RALGAPA1: variants seen among roughly 807,000 people sequenced by gnomAD.
The protein encoded by RALGAPA1 is ral GTPase-activating protein subunit alpha-1.
RALGAPA1 carries 52 observed loss-of-function variants against 269.6 expected under a neutral mutation model. The ratio of observed to expected loss-of-function variants is 0.19; its 90% CI spans 0.15 to 0.24. RALGAPA1 has a LOEUF of 0.24. Ranked by LOEUF, RALGAPA1 falls within the 10% of genes least tolerant of loss-of-function variation. The probability of loss-of-function intolerance (pLI) is 1.00; values close to 1 mark genes in which losing one functional copy is unlikely to be tolerated. For synonymous variants in RALGAPA1, 817 were observed against 1,008.3 expected, an observed-to-expected ratio of 0.81 and a Z score of 3.60; for missense variants, 1,917 against 3,013.9, an observed-to-expected ratio of 0.64 and a Z score of 8.52.
chr14:35,782,351 T>A (rs1028008481), intron 1 of RALGAPA1, among the ~76,000 whole-genome samples: 1 of 151,540 alleles, frequency 6.6e-6, no homozygotes, highest in South Asian at 2.1e-4. Flanking sequence ...TCTGTGTTCA[T>A]GAGTAAGACT....
intron 35 of RALGAPA1, among the ~76,000 whole-genome samples, chr14:35,609,541 T>C (rs984491028): frequency 6.6e-6 from 1 of 152,164 alleles, no homozygotes; most frequent in Admixed American, 6.5e-5. Context: ...CAGATCTAAA[T>C]GCCTCTATTA....
At chr14:35,665,860 T>C (rs1313041248) in intron 26 of RALGAPA1, among the ~76,000 whole-genome samples, 1 of 152,170 alleles carries the variant, frequency 6.6e-6, no homozygotes, top group Non-Finnish European at 1.5e-5. Context: ...GGAGCAGACC[T>C]GGAATGTGAT....
chr14:35,765,152 C>A (rs1163355331), intron 4 of RALGAPA1, among the ~76,000 whole-genome samples: 1 of 152,172 alleles, frequency 6.6e-6, no homozygotes, highest in Non-Finnish European at 1.5e-5. Context: ...AAGCTTAGGT[C>A]TTTGGCTGAT....
At chr14:35,640,318 T>G (rs904484025) in intron 31 of RALGAPA1, among the ~76,000 whole-genome samples, 1 of 151,954 alleles carries the variant, frequency 6.6e-6, no homozygotes, top group African/African-American at 2.4e-5. Context: ...AAAAATTGAT[T>G]TTTTAAAAAA....
At chr14:35,770,134 A>G (rs1029508140) in intron 4 of RALGAPA1, among the ~76,000 whole-genome samples, 2 of 152,218 alleles carry the variant, frequency 1.3e-5, no homozygotes, top group Non-Finnish European at 2.9e-5. Flanking sequence ...AAAATACATA[A>G]TATTAATAGA....
intron 17 of RALGAPA1, among the ~76,000 whole-genome samples, chr14:35,697,845 T>A (rs1193425674): frequency 6.6e-6 from 1 of 152,136 alleles, no homozygotes; most frequent in East Asian, 1.9e-4. Context: ...AGTGACAGGT[T>A]CCTTGCCTCT....
chr14:35,769,029 AAAAAAAATAT>A (rs2074387830), intron 4 of RALGAPA1, among the ~76,000 whole-genome samples: 1 of 95,504 alleles, frequency 1.0e-5, no homozygotes, highest in African/African-American at 5.1e-5. Context: ...AAAAAAAAAA[AAAAAAAATAT>A]ATATATATAT....
In RALGAPA1 at chr14:35,687,119, G is replaced by A. The variant is rs566607459; in HGVS notation, c.3953-453C>T. 2.1e-3 allele frequency among the ~76,000 whole-genome samples: 326 copies of A among 152,138 alleles called. 4 individuals are homozygous for A. The highest frequency in any genetic ancestry group is 7.5e-3 in the African/African-American group (310 of 41,524). ...AGTATTTATAAATACAAATTCTATG[G>A]TTTTGATATACTGCTGTTTCTATCC... On this transcript the variant is annotated intron_variant, in intron 18 of 41. Coordinates refer to ENST00000680220, the MANE Select transcript of RALGAPA1 (RefSeq NM_001346249.2).
chr14:35,802,239 C>T (rs754362092), intron 1 of RALGAPA1, among the ~76,000 whole-genome samples: 1 of 152,094 alleles, frequency 6.6e-6, no homozygotes, highest in African/African-American at 2.4e-5. Context: ...ACCTGGGAGG[C>T]GGAGGTTGCA....
intron 37 of RALGAPA1, among the ~76,000 whole-genome samples, chr14:35,579,695 T>C (rs1359183199): frequency 6.6e-6 from 1 of 152,062 alleles, no homozygotes; most frequent in Non-Finnish European, 1.5e-5. Context: ...TAAGATAAAC[T>C]TGCATTGAAC....
chr14:35,713,937 A>G (rs1595274475), intron 16 of RALGAPA1, among the ~76,000 whole-genome samples: 2 of 152,130 alleles, frequency 1.3e-5, no homozygotes, highest in Admixed American at 6.5e-5. Flanking sequence ...CTCTACTAAA[A>G]AACAAAAATT....
At chr14:35,782,576 T>C (rs926234754) in intron 1 of RALGAPA1, among the ~76,000 whole-genome samples, 1 of 151,960 alleles carries the variant, frequency 6.6e-6, no homozygotes, top group Non-Finnish European at 1.5e-5. Flanking sequence ...TGTGATTACA[T>C]GCATGTGCCA....
chr14:35,551,803 C>A (rs1218647517), intron 39 of RALGAPA1, among the ~76,000 whole-genome samples: 1 of 151,844 alleles, frequency 6.6e-6, no homozygotes, highest in East Asian at 1.9e-4. Context: ...CTAAAATTAT[C>A]CAGATATAAC....
chr14:35,765,712 T>C (rs867492782), intron 4 of RALGAPA1: 13 of 313,764 alleles, frequency 4.1e-5, no homozygotes, highest in Middle Eastern at 9.9e-4. Context: ...CCCAGGCTGG[T>C]CTCAAACTCC....
intron 37 of RALGAPA1, among the ~76,000 whole-genome samples, chr14:35,584,411 T>C (rs992367103): frequency 1.2e-4 from 19 of 152,056 alleles, no homozygotes; most frequent in Non-Finnish European, 1.0e-4. Flanking sequence ...ACCATGGGGA[T>C]ACACCATCAT....
intron 26 of RALGAPA1, among the ~76,000 whole-genome samples, chr14:35,665,846 A>G (rs983716819): frequency 1.3e-5 from 2 of 152,158 alleles, no homozygotes; most frequent in Admixed American, 1.3e-4. Context: ...ATGTGCACAT[A>G]ATGGGAGCAG....
Position 35,775,670 on chromosome 14 carries a change from T to C in RALGAPA1, c.182A>G (p.Asn61Ser). ...AAGACTAGCTTCAATAGTCACAAAA[T>C]TTTCAAAGAACACATAGTATATATG... ...FSHIYYVFFE[N>S]FVTIEASLKQ... is the part of the protein sequence containing the mutation. The change falls in exon 2 of 42, where the codon AAT becomes AGT. Residue 61 changes from asparagine to serine, a missense_variant. By Grantham distance (46) the Asn-to-Ser change is conservative (BLOSUM62 1). This residue lies in a region of RALGAPA1 where 462 missense variants were observed against 725.6 expected (regional missense o/e 0.64). Coordinates refer to ENST00000680220, the MANE Select transcript of RALGAPA1 (RefSeq NM_001346249.2). The C allele has an allele frequency of 1.9e-6, 3 of 1,582,744 alleles. No individual in the cohort carries two copies. Among genetic ancestry groups the C allele is most frequent in the Non-Finnish European group, 1.7e-6 (2 of 1,170,110 alleles).
intron 35 of RALGAPA1, among the ~76,000 whole-genome samples, chr14:35,617,721 G>T (rs2060353705): frequency 7.4e-6 from 1 of 134,484 alleles, no homozygotes; most frequent in South Asian, 2.3e-4. Context: ...AAGATAAATA[G>T]AAATCAATTC....
chr14:35,695,825 T>C (rs1482428796), intron 17 of RALGAPA1, among the ~76,000 whole-genome samples: 1 of 152,188 alleles, frequency 6.6e-6, no homozygotes, highest in Admixed American at 6.5e-5. Context: ...CTCTTATCTG[T>C]TTATCAGGAA....
Sources: gnomAD v4.1 joint callset for allele counts (sites outside exome capture counted in the v4.1 genomes callset) on GRCh38, gnomAD v4.1.1 for gene constraint, gnomAD v4.1.1 regional missense constraint, MANE v1.5 for transcripts, NCBI Gene and HGNC (gene_info 2026-07-23, HGNC 2026-07-21) for gene names.